The following STAG1 variants were observed in gnomAD, a reference collection of about 807,000 sequenced individuals.
STAG1 encodes the protein cohesin subunit SA-1.
In STAG1, 26 loss-of-function variants were observed where a neutral mutation model predicts 170.9. That is an observed-to-expected ratio of 0.15 (90% CI 0.11 to 0.21). STAG1 has a LOEUF of 0.21. Ranked by LOEUF, STAG1 falls within the 10% of genes least tolerant of loss-of-function variation. STAG1 has a pLI of 1.00. For missense variants in STAG1, 964 were observed against 1,509.5 expected (o/e 0.64, Z 5.99); for synonymous variants, 514 against 497.7 (o/e 1.03, Z -0.44).
intron 12 of STAG1, among the ~76,000 whole-genome samples, chr3:136,466,062 G>A (rs1034859760): frequency 5.9e-5 from 9 of 152,120 alleles, no homozygotes; most frequent in African/African-American, 1.7e-4. Flanking sequence ...GAAAAACTGA[G>A]CAGAAAAGCT....
intron 5 of STAG1, among the ~76,000 whole-genome samples, chr3:136,544,758 C>CAAAA (rs33968101): frequency 6.8e-6 from 1 of 146,622 alleles, no homozygotes. Context: ...GAGCAAGACT[C>CAAAA]AAAAAAAAAA....
chr3:136,742,772 A>G (rs1262931620), intron 1 of STAG1, among the ~76,000 whole-genome samples: 1 of 152,122 alleles, frequency 6.6e-6, no homozygotes, highest in Non-Finnish European at 1.5e-5. Context: ...TCCATGGGTA[A>G]AAGAAGATAT....
chr3:136,403,224 TAAAAAAAAAAAAAA>T (rs55678408), intron 21 of STAG1, among the ~76,000 whole-genome samples: 5 of 33,600 alleles, frequency 1.5e-4, no homozygotes, highest in Non-Finnish European at 2.3e-4. Flanking sequence ...GAGACTGTCT[TAAAAAAAAAAAAAA>T]AAAAAAAAAA....
intron 7 of STAG1, among the ~76,000 whole-genome samples, chr3:136,513,856 A>G (rs1448118711): frequency 6.6e-6 from 1 of 152,134 alleles, no homozygotes; most frequent in Non-Finnish European, 1.5e-5. Flanking sequence ...AAAAAGAAAG[A>G]CAAAAAATTC....
intron 1 of STAG1, among the ~76,000 whole-genome samples, chr3:136,646,860 C>T (rs1298459): frequency 1.3e-4 from 20 of 151,876 alleles, no homozygotes; most frequent in African/African-American, 2.9e-4. Context: ...TGCAGTGAGC[C>T]GAGATCACGC....
chr3:136,534,150 C>T (rs1462478458), intron 6 of STAG1, among the ~76,000 whole-genome samples: 2 of 152,132 alleles, frequency 1.3e-5, no homozygotes, highest in Non-Finnish European at 2.9e-5. Context: ...AGAATATACA[C>T]TGCGGGATGG....
chr3:136,467,380 T>G (rs1020127041), intron 12 of STAG1, among the ~76,000 whole-genome samples: 1 of 152,006 alleles, frequency 6.6e-6, no homozygotes, highest in African/African-American at 2.4e-5. Context: ...TAAAACAGAC[T>G]TTAAACCAAC....
Position 136,338,355 on chromosome 3 carries a change from T to A in STAG1, c.3753+15A>T. The A allele has an allele frequency of 6.2e-7, 1 of 1,603,576 alleles. No individual in the cohort carries two copies. The highest frequency in any genetic ancestry group is 8.5e-7 in the Non-Finnish European group (1 of 1,170,546). On this transcript the variant is annotated intron_variant, in intron 33 of 33. Coordinates refer to ENST00000383202, the MANE Select transcript of STAG1 (RefSeq NM_005862.3). ...AGGAACCATAAATAAAAAGCAGTAATAATTTGACATTTACTGAATCATCTT... is the reference window on the plus strand; with the variant it reads ...AGGAACCATAAATAAAAAGCAGTAAAAATTTGACATTTACTGAATCATCTT...
At chr3:136,425,192 G>A (rs780091729) in intron 16 of STAG1, among the ~76,000 whole-genome samples, 29 of 152,264 alleles carry the variant, frequency 1.9e-4, no homozygotes, top group Non-Finnish European at 2.6e-4. Flanking sequence ...AAGACTGTGC[G>A]TAGGTGAACT....
chr3:136,466,202 T>C (rs946729972), intron 12 of STAG1, among the ~76,000 whole-genome samples: 3 of 152,096 alleles, frequency 2.0e-5, no homozygotes, highest in African/African-American at 7.2e-5. Flanking sequence ...ATCAAACTTC[T>C]CTCAGCTAAA....
intron 1 of STAG1, among the ~76,000 whole-genome samples, chr3:136,691,308 G>A (rs1343578787): frequency 2.0e-5 from 3 of 152,066 alleles, no homozygotes; most frequent in East Asian, 3.9e-4. Context: ...GGTGACAGAC[G>A]CCTGTAGTCC....
chr3:136,475,820 GA>G (rs1306077589), intron 10 of STAG1, among the ~76,000 whole-genome samples: 1 of 152,188 alleles, frequency 6.6e-6, no homozygotes, highest in Non-Finnish European at 1.5e-5. Flanking sequence ...AAAGGCTAAA[GA>G]GAAAATGACA....
intron 6 of STAG1, among the ~76,000 whole-genome samples, chr3:136,528,708 G>A (rs962905059): frequency 2.0e-5 from 3 of 152,068 alleles, no homozygotes; most frequent in East Asian, 1.9e-4. Flanking sequence ...CCACCAGCTC[G>A]GGAGGCTGAG....
intron 17 of STAG1, 41 bp from the exon 18 acceptor site, chr3:136,422,898 T>G (rs778945886): frequency 6.3e-7 from 1 of 1,591,848 alleles, no homozygotes; most frequent in South Asian, 1.1e-5. Flanking sequence ...ACTACTTTAA[T>G]AGTACAATGA....
At chr3:136,679,709 A>T (rs1942268291) in intron 1 of STAG1, among the ~76,000 whole-genome samples, 1 of 140,324 alleles carries the variant, frequency 7.1e-6, no homozygotes, top group South Asian at 2.2e-4. Flanking sequence ...GGCCTGGGCG[A>T]AAGAGCAAGA....
At chr3:136,475,011 C>T (rs1310336611) in intron 10 of STAG1, among the ~76,000 whole-genome samples, 1 of 152,102 alleles carries the variant, frequency 6.6e-6, no homozygotes, top group East Asian at 1.9e-4. Flanking sequence ...ACAGGATACC[C>T]TCTAAGGTAC....
intron 4 of STAG1, among the ~76,000 whole-genome samples, chr3:136,577,397 G>C (rs1937503457): frequency 6.6e-6 from 1 of 152,172 alleles, no homozygotes; most frequent in Non-Finnish European, 1.5e-5. Flanking sequence ...CTGGAAGTAA[G>C]GATCTTAACT....
At chr3:136,534,318 A>G (rs1040082331) in intron 6 of STAG1, among the ~76,000 whole-genome samples, 2 of 152,248 alleles carry the variant, frequency 1.3e-5, no homozygotes, top group Admixed American at 1.3e-4. Flanking sequence ...AAACACAGGA[A>G]AAACAATTCA....
chr3:136,523,600 T>G (rs1440859099), intron 6 of STAG1, among the ~76,000 whole-genome samples: 1 of 152,212 alleles, frequency 6.6e-6, no homozygotes, highest in African/African-American at 2.4e-5. Context: ...TTAGTTTAAT[T>G]AGATCCCATT....
Sources: gnomAD v4.1 joint callset for allele counts (sites outside exome capture counted in the v4.1 genomes callset) on GRCh38, gnomAD v4.1.1 for gene constraint, MANE v1.5 for transcripts, NCBI Gene and HGNC (gene_info 2026-07-23, HGNC 2026-07-21) for gene names.